The following KCNIP4 variants were observed in gnomAD, a reference collection of about 807,000 sequenced individuals.
KCNIP4 encodes potassium voltage-gated channel interacting protein 4.
KCNIP4 carries 12 observed loss-of-function variants against 34.0 expected under a neutral mutation model. The ratio of observed to expected loss-of-function variants is 0.35; its 90% CI spans 0.23 to 0.57. The LOEUF is 0.57. Ranked by LOEUF, KCNIP4 falls within the 20% of genes least tolerant of loss-of-function variation. The pLI is 0.83. For missense variants in KCNIP4, 238 were observed against 311.7 expected, an observed-to-expected ratio of 0.76 and a Z score of 1.78; for synonymous variants, 124 against 102.2, an observed-to-expected ratio of 1.21 and a Z score of -1.29.
chr4:20,775,009 T>C (rs1054801383), intron 3 of KCNIP4, among the ~76,000 whole-genome samples: 1 of 152,212 alleles, frequency 6.6e-6, no homozygotes, highest in Non-Finnish European at 1.5e-5. Flanking sequence ...CCCTCTCTTT[T>C]CTGTTTACTC....
Position 21,185,539 on chromosome 4 carries a change from C to T in KCNIP4, c.62-302830G>A, listed in dbSNP as rs114109303. On this transcript the variant is annotated intron_variant, in intron 1 of 8. Transcript: ENST00000382152. ...CTCCTTCTTCTAATCTCCTATTTTCCTTCTCTGCTTCATAGACACGTGCTT... is the reference window on the plus strand; with the variant it reads ...CTCCTTCTTCTAATCTCCTATTTTCTTTCTCTGCTTCATAGACACGTGCTT... Among the ~76,000 whole-genome samples the T allele has an allele frequency of 9.0e-3, 1,359 of 151,242 alleles. 8 individuals carry two copies. The highest frequency in any genetic ancestry group is 0.014 in the Non-Finnish European group (982 of 67,888).
intron 1 of KCNIP4, among the ~76,000 whole-genome samples, chr4:21,193,763 G>C (rs930044173): frequency 1.3e-5 from 2 of 151,876 alleles, no homozygotes; most frequent in African/African-American, 4.8e-5. Context: ...AGTAGAGACG[G>C]GGTTTCACCA....
chr4:21,882,541 G>A (rs1021320319), intron 1 of KCNIP4, among the ~76,000 whole-genome samples: 2 of 152,068 alleles, frequency 1.3e-5, no homozygotes, highest in Admixed American at 1.3e-4. Flanking sequence ...TCTGGAGTTG[G>A]GACACGGAAA....
intron 2 of KCNIP4, among the ~76,000 whole-genome samples, chr4:20,880,605 A>G (rs115434714): frequency 0.011 from 1,725 of 152,284 alleles, 22 homozygotes; most frequent in African/African-American, 0.04. Flanking sequence ...CTAACGAGAC[A>G]TGACAATTTT....
At position 20,734,608 on chromosome 4, in the gene KCNIP4, G is replaced by T; in HGVS notation, c.537+20C>A. The T allele has an allele frequency of 9.5e-7, 1 of 1,056,982 alleles. No individual in the cohort carries two copies. Among genetic ancestry groups the T allele is most frequent in the South Asian group, 1.7e-5 (1 of 59,756 alleles). The allele number at this position is 1,056,982 out of a possible 1,614,324, so 65.5% of individuals were successfully genotyped here. ...TGAAAATGGTCCAAATTACTGTGATGTTGGTGAGGCATCCCTTACCTCTTT... is the reference window on the plus strand; with the variant it reads ...TGAAAATGGTCCAAATTACTGTGATTTTGGTGAGGCATCCCTTACCTCTTT... On this transcript the variant is annotated intron_variant, in intron 6 of 8. Coordinates refer to ENST00000382152, the MANE Select transcript of KCNIP4 (RefSeq NM_025221.6).
chr4:20,783,384 TG>T (rs1291434911), intron 3 of KCNIP4, among the ~76,000 whole-genome samples: 2 of 152,178 alleles, frequency 1.3e-5, no homozygotes, highest in African/African-American at 2.4e-5. Flanking sequence ...TACCTGAGAC[TG>T]GGAAGAAAAA....
At position 21,716,434 on chromosome 4, in the gene KCNIP4, C is replaced by T. The variant is rs538454414; in HGVS notation, c.61+232137G>A. On this transcript the variant is annotated intron_variant, in intron 1 of 8. Transcript: ENST00000382152. ...TGTATTTTGAGTAGAGACAGGGTTTCGCAGTGTTGGCCACGCTGGTCTCAA... is the reference window on the plus strand; with the variant it reads ...TGTATTTTGAGTAGAGACAGGGTTTTGCAGTGTTGGCCACGCTGGTCTCAA... 2.5e-3 allele frequency among the ~76,000 whole-genome samples: 384 copies of T among 151,914 alleles called. 3 individuals are homozygous for T. The highest frequency in any genetic ancestry group is 9.0e-3 in the African/African-American group (371 of 41,428).
chr4:20,861,831 T>C (rs1722228455), intron 2 of KCNIP4, among the ~76,000 whole-genome samples: 1 of 152,076 alleles, frequency 6.6e-6, no homozygotes, highest in South Asian at 2.1e-4. Flanking sequence ...ATGAAATAGA[T>C]TGTCTCTACC....
intron 1 of KCNIP4, among the ~76,000 whole-genome samples, chr4:21,372,526 G>T (rs144069801): frequency 6.8e-6 from 1 of 147,088 alleles, no homozygotes; most frequent in African/African-American, 2.7e-5. Context: ...ATGCGTTAAA[G>T]ATTACAGCAG....
intron 3 of KCNIP4, among the ~76,000 whole-genome samples, chr4:20,759,547 A>G (rs1387293931): frequency 1.3e-5 from 2 of 152,172 alleles, no homozygotes; most frequent in African/African-American, 2.4e-5. Context: ...AATGATGGAC[A>G]TTGATCTTGG....
chr4:21,287,058 T>G (rs971027235), intron 1 of KCNIP4, among the ~76,000 whole-genome samples: 1 of 152,088 alleles, frequency 6.6e-6, no homozygotes, highest in Non-Finnish European at 1.5e-5. Context: ...GGACAATGTG[T>G]CCAAAATTTT....
intron 1 of KCNIP4, among the ~76,000 whole-genome samples, chr4:21,789,564 G>A (rs1366827209): frequency 6.6e-6 from 1 of 152,272 alleles, no homozygotes; most frequent in East Asian, 1.9e-4. Context: ...ACAGCAACTG[G>A]GTCACAGAGG....
chr4:21,873,593 C>A (rs1033715420), intron 1 of KCNIP4, among the ~76,000 whole-genome samples: 9 of 152,154 alleles, frequency 5.9e-5, no homozygotes, highest in African/African-American at 2.2e-4. Context: ...TGTTGAAAGA[C>A]TGAATTATTA....
intron 1 of KCNIP4, among the ~76,000 whole-genome samples, chr4:20,905,089 C>T (rs934074385): frequency 2.6e-5 from 4 of 152,114 alleles, no homozygotes; most frequent in South Asian, 2.1e-4. Flanking sequence ...AAGTGTGTTA[C>T]GTTGCTAGGG....
At chr4:20,867,822 T>C (rs1723023139) in intron 2 of KCNIP4, among the ~76,000 whole-genome samples, 2 of 152,004 alleles carry the variant, frequency 1.3e-5, no homozygotes, top group East Asian at 3.9e-4. Flanking sequence ...TAGGTGGGAA[T>C]TGAACAATGA....
At chr4:20,922,547 G>GTCTGTCTGTCTGTCTGTCTATCTATCTA (rs373186954) in intron 1 of KCNIP4, among the ~76,000 whole-genome samples, 103 of 129,502 alleles carry the variant, frequency 8.0e-4, no homozygotes, top group East Asian at 3.3e-3. Flanking sequence ...CTGTCTGTCT[G>GTCTGTCTGTCTGTCTGTCTATCTATCTA]TCTATCTATC....
chr4:21,910,628 A>T (rs1453082286), intron 1 of KCNIP4, among the ~76,000 whole-genome samples: 1 of 152,198 alleles, frequency 6.6e-6, no homozygotes, highest in African/African-American at 2.4e-5. Context: ...TAAAGCTGTA[A>T]TTTGGGAAAA....
chr4:20,971,543 A>G (rs1734953322), intron 1 of KCNIP4, among the ~76,000 whole-genome samples: 1 of 152,198 alleles, frequency 6.6e-6, no homozygotes, highest in South Asian at 2.1e-4. Context: ...TAAGTGTGCA[A>G]TAGCATTATG....
chr4:21,543,806 T>C (rs1189099840), intron 1 of KCNIP4, among the ~76,000 whole-genome samples: 1 of 152,174 alleles, frequency 6.6e-6, no homozygotes, highest in Non-Finnish European at 1.5e-5. Context: ...TTTTTCCTTT[T>C]AAGTGTTGAT....
Sources: gnomAD v4.1 joint callset for allele counts (sites outside exome capture counted in the v4.1 genomes callset) on GRCh38, gnomAD v4.1.1 for gene constraint, MANE v1.5 for transcripts, NCBI Gene and HGNC (gene_info 2026-07-23, HGNC 2026-07-21) for gene names.